WDPCP: variants seen among roughly 807,000 people sequenced by gnomAD.
WDPCP encodes the protein WD repeat-containing and planar cell polarity effector protein fritz homolog.
In WDPCP, 71 loss-of-function variants were observed where a neutral mutation model predicts 93.1. The observed-to-expected ratio is 0.76, with a 90% CI of 0.63 to 0.93. The LOEUF is 0.93. Among genes scored for constraint, WDPCP ranks in the 40% least tolerant of loss-of-function variants. The pLI is 0.00. For missense variants in WDPCP, 844 were observed against 887.4 expected (o/e 0.95, Z 0.62); for synonymous variants, 315 against 315.0 (o/e 1.00, Z 0.00).
At position 63,326,896 on chromosome 2, in the gene WDPCP, G is replaced by A. The variant is rs144947570; in HGVS notation, c.1749-13585C>T. 6.4e-4 allele frequency among the ~76,000 whole-genome samples: 98 copies of A among 152,274 alleles called. 1 individual carries two copies. Among genetic ancestry groups the A allele is most frequent in the African/African-American group, 2.1e-3 (88 of 41,568 alleles). ...AATTTAAAACCTCTAATTGATAATT[G>A]AAGGTCTTCTCTGTAACCCTGTAAC... On this transcript the variant is annotated intron_variant, in intron 12 of 17. Coordinates refer to ENST00000272321, the MANE Select transcript of WDPCP (RefSeq NM_015910.7).
chr2:63,713,033 T>G (rs552702421), intron 2 of WDPCP, among the ~76,000 whole-genome samples: 1 of 152,338 alleles, frequency 6.6e-6, no homozygotes, highest in African/African-American at 2.4e-5. Flanking sequence ...CCACTCAGAC[T>G]GTAACAGCTT....
At chr2:63,316,108 A>G (rs1686617716) in intron 12 of WDPCP, among the ~76,000 whole-genome samples, 2 of 152,140 alleles carry the variant, frequency 1.3e-5, no homozygotes, top group Non-Finnish European at 1.5e-5. Context: ...AAAGTGCATA[A>G]ATTATGTATA....
intron 15 of WDPCP, among the ~76,000 whole-genome samples, chr2:63,172,811 C>A (rs915687372): frequency 1.1e-4 from 16 of 152,234 alleles, no homozygotes; most frequent in African/African-American, 3.4e-4. Context: ...AAGTACCATG[C>A]AATCTGAAGA....
In WDPCP at chr2:63,445,864, T is replaced by C. The variant is rs1697824714; in HGVS notation, c.385-5993A>G. ...AGACTTTTATATGCAACATAATGCA[T>C]GTAAAATGACAGTATAACTGATACA... On this transcript the variant is annotated intron_variant, in intron 6 of 17. Transcript: ENST00000272321. Among the ~76,000 whole-genome samples, 3 of 152,200 alleles carry C rather than the reference T, an allele frequency of 2.0e-5. No homozygotes were observed. The South Asian group carries it at 6.2e-4, about 32-fold the overall frequency.
At chr2:63,510,747 G>A (rs917726664) in intron 1 of WDPCP, among the ~76,000 whole-genome samples, 1 of 152,162 alleles carries the variant, frequency 6.6e-6, no homozygotes. Flanking sequence ...CCCAAAGCAG[G>A]CAGATCACAA....
intron 1 of WDPCP, among the ~76,000 whole-genome samples, chr2:63,581,612 A>G (rs985505420): frequency 6.6e-6 from 1 of 152,208 alleles, no homozygotes; most frequent in Non-Finnish European, 1.5e-5. Flanking sequence ...ATCCTGACTA[A>G]TATTTAATAA....
chr2:63,646,166 A>G (rs1286850563), intron 3 of WDPCP, among the ~76,000 whole-genome samples: 1 of 151,636 alleles, frequency 6.6e-6, no homozygotes, highest in Admixed American at 6.6e-5. Context: ...TTGTGTATTC[A>G]TTGTATGGTT....
chr2:63,572,726 A>AAAAAAAAAAAAAAAAAAAAAAAAT (rs56275317), intron 1 of WDPCP, among the ~76,000 whole-genome samples: 3 of 144,864 alleles, frequency 2.1e-5, no homozygotes, highest in African/African-American at 5.0e-5. Flanking sequence ...AAAAAAAAAA[A>AAAAAAAAAAAAAAAAAAAAAAAAT]GTTGGACAGC....
intron 1 of WDPCP, among the ~76,000 whole-genome samples, chr2:63,508,206 A>T (rs1702004701): frequency 6.6e-6 from 1 of 152,252 alleles, no homozygotes; most frequent in African/African-American, 2.4e-5. Context: ...TTACCCACAA[A>T]GGAAAGCCTA....
In WDPCP at chr2:63,758,812, T is replaced by C. The variant is rs140470914; in HGVS notation, n.308+54810A>G. Reference sequence around the variant, plus strand: ...TTATTTTTTGAGACAGAGTCTCACTTTGTTGCCCAGGCTGGAGTGCAGTGT... The same window carrying C: ...TTATTTTTTGAGACAGAGTCTCACTCTGTTGCCCAGGCTGGAGTGCAGTGT... On this transcript the variant is annotated intron_variant and non_coding_transcript_variant, in intron 2 of 4. Transcript: ENST00000467687. 4.1e-3 allele frequency among the ~76,000 whole-genome samples: 626 copies of C among 151,846 alleles called. 3 individuals carry two copies. The highest frequency in any genetic ancestry group is 0.014 in the African/African-American group (586 of 41,400).
chr2:63,483,245 A>C (rs191345539), intron 6 of WDPCP, among the ~76,000 whole-genome samples: 1 of 152,060 alleles, frequency 6.6e-6, no homozygotes, highest in Admixed American at 6.6e-5. Flanking sequence ...TTTTAACGTG[A>C]GTAATGGCAT....
chr2:63,313,898 T>TTTTTTGGAGA (rs1686417045), intron 12 of WDPCP, among the ~76,000 whole-genome samples: 2 of 8,874 alleles, frequency 2.3e-4, no homozygotes, highest in African/African-American at 4.8e-3. Flanking sequence ...TTTTTTTTTT[T>TTTTTTGGAGA]TGGAGATGGA....
intron 6 of WDPCP, among the ~76,000 whole-genome samples, chr2:63,459,698 C>T (rs565858455): frequency 3.3e-5 from 5 of 152,186 alleles, no homozygotes; most frequent in South Asian, 2.1e-4. Context: ...GGCAGATCAC[C>T]GGAGCTCAGG....
At chr2:63,815,377 TA>T (rs1670918979) in intron 1 of WDPCP, among the ~76,000 whole-genome samples, 1 of 152,234 alleles carries the variant, frequency 6.6e-6, no homozygotes, top group African/African-American at 2.4e-5. Flanking sequence ...AAACTATTTC[TA>T]AAAATTTCAT....
Position 63,378,464 on chromosome 2 carries a change from G to A in WDPCP, c.1670C>T (p.Pro557Leu), listed in dbSNP as rs760413825. The A allele has an allele frequency of 1.9e-6, 3 of 1,613,136 alleles. No homozygotes were observed. The highest frequency in any genetic ancestry group is 1.7e-5 in the Admixed American group (1 of 59,900). ...SLGTFYAPTR[P>L]LLDSTILEYR... The stretch of plus-strand genomic sequence containing the variant: ...TTCCAATATAGTGGAATCCAGAAGT[G>A]GTCTTGTTGGAGCATAGAAGGTTCC... Residue 557 changes from proline (P) to leucine (L), a missense_variant, in exon 12 of 18, where the codon CCA becomes CTA. By Grantham distance (98) the Pro-to-Leu change is moderately conservative. Coordinates refer to ENST00000272321, the MANE Select transcript of WDPCP (RefSeq NM_015910.7).
chr2:63,553,078 T>G (rs1180873451), intron 1 of WDPCP, among the ~76,000 whole-genome samples: 2 of 152,186 alleles, frequency 1.3e-5, no homozygotes, highest in African/African-American at 4.8e-5. Context: ...TCACTGACAC[T>G]TGGGGAAAGC....
At chr2:63,760,899 T>A (rs1162435742) in intron 2 of WDPCP, among the ~76,000 whole-genome samples, 1 of 152,160 alleles carries the variant, frequency 6.6e-6, no homozygotes, top group East Asian at 1.9e-4. Context: ...CCCCACCTCA[T>A]CCACAGCCAT....
At chr2:63,776,431 G>A (rs536130518) in intron 2 of WDPCP, among the ~76,000 whole-genome samples, 2 of 152,178 alleles carry the variant, frequency 1.3e-5, no homozygotes, top group African/African-American at 4.8e-5. Flanking sequence ...AAGGTAGGCA[G>A]GTTGTTTGAG....
At chr2:63,834,497 T>C in the WDPCP span, among the ~76,000 whole-genome samples, 1 of 152,174 alleles carries the variant, frequency 6.6e-6, no homozygotes, top group African/African-American at 2.4e-5. Context: ...ATTTTCTAAT[T>C]ATATGTTTTG....
Sources: gnomAD v4.1 joint callset for allele counts (sites outside exome capture counted in the v4.1 genomes callset) on GRCh38, gnomAD v4.1.1 for gene constraint, MANE v1.5 for transcripts, NCBI Gene and HGNC (gene_info 2026-07-23, HGNC 2026-07-21) for gene names.